The following THEMIS variants were observed in gnomAD, a reference collection of about 807,000 sequenced individuals.
THEMIS encodes thymocyte selection associated.
In THEMIS, 37 loss-of-function variants were observed where a neutral mutation model predicts 52.6. That is an observed-to-expected ratio of 0.70 (90% CI 0.54 to 0.93). The LOEUF is 0.93. Ranked by LOEUF, THEMIS falls within the 40% of genes least tolerant of loss-of-function variation. The pLI is 0.00. For synonymous variants in THEMIS, 292 were observed against 272.7 expected (o/e 1.07, Z -0.70); for missense variants, 808 against 763.1 (o/e 1.06, Z -0.69).
chr6:127,824,144 G>T (rs576328870), intron 3 of THEMIS, among the ~76,000 whole-genome samples: 1 of 152,250 alleles, frequency 6.6e-6, no homozygotes, highest in East Asian at 1.9e-4. Context: ...TAATCTAGGG[G>T]AGATAGGTGA....
intron 4 of THEMIS, among the ~76,000 whole-genome samples, chr6:127,799,649 A>T: frequency 6.7e-6 from 1 of 149,572 alleles, no homozygotes; most frequent in East Asian, 2.0e-4. Context: ...ATTGTTCACT[A>T]GTACCCAGTT....
chr6:127,709,969 C>T lies in THEMIS; in HGVS notation c.*16G>A, dbSNP rs199768657. ...ACATTTATGTTTGCTGCCTAAGTGG[C>T]TTCTGTCACATCTTGTTATTTTTGA... is the stretch of plus-strand genomic sequence containing the variant. On this transcript the variant is annotated 3_prime_UTR_variant, in exon 6 of 6. Transcript: ENST00000368248. 4 of 1,585,914 alleles carry T rather than the reference C, an allele frequency of 2.5e-6. No homozygotes were observed. In the East Asian group the frequency reaches 6.8e-5, roughly 27 times the overall value.
chr6:127,825,447 C>T (rs532327999), intron 3 of THEMIS, among the ~76,000 whole-genome samples: 2 of 152,258 alleles, frequency 1.3e-5, no homozygotes, highest in African/African-American at 4.8e-5. Context: ...TTATTCTCAA[C>T]CTGGAATTCT....
intron 4 of THEMIS, among the ~76,000 whole-genome samples, chr6:127,811,447 T>C (rs1032167636): frequency 6.6e-6 from 1 of 152,198 alleles, no homozygotes; most frequent in South Asian, 2.1e-4. Flanking sequence ...CATTCTTACA[T>C]AGTTACATGT....
chr6:127,900,841 C>T lies in THEMIS; in HGVS notation c.91+1G>A. On this transcript the variant is annotated splice_donor_variant, in intron 1 of 5. Coordinates refer to ENST00000368248, the MANE Select transcript of THEMIS (RefSeq NM_001010923.3). LOFTEE classifies it high-confidence loss of function. Reference sequence around the variant, plus strand: ...CAGTAAAGGTATTGGAGAGTGCTTACCTTCAAGATAGATGCCTGCCTGGAT... The same window carrying T: ...CAGTAAAGGTATTGGAGAGTGCTTATCTTCAAGATAGATGCCTGCCTGGAT... The T allele has an allele frequency of 6.2e-7, 1 of 1,612,400 alleles. No homozygotes were observed. Among genetic ancestry groups the T allele is most frequent in the Non-Finnish European group, 8.5e-7 (1 of 1,178,736 alleles).
chr6:127,821,864 A>G (rs1011068016), intron 3 of THEMIS, among the ~76,000 whole-genome samples: 1 of 152,012 alleles, frequency 6.6e-6, no homozygotes, highest in Non-Finnish European at 1.5e-5. Flanking sequence ...ATCCTTTGCA[A>G]TTGGACCTAA....
chr6:127,779,133 G>T (rs1776660950), intron 4 of THEMIS, among the ~76,000 whole-genome samples: 1 of 152,084 alleles, frequency 6.6e-6, no homozygotes, highest in Non-Finnish European at 1.5e-5. Context: ...CTGTCAAAAA[G>T]GTAGTTACTG....
At chr6:127,767,258 A>AT (rs995384829) in intron 4 of THEMIS, among the ~76,000 whole-genome samples, 17 of 151,898 alleles carry the variant, frequency 1.1e-4, no homozygotes, top group African/African-American at 3.6e-4. Flanking sequence ...CACTCAGCTA[A>AT]TTTTTTGTAT....
chr6:127,731,864 ATTTTTT>A lies in THEMIS; in HGVS notation c.1759-12047_1759-12042del, dbSNP rs58263706. Among the ~76,000 whole-genome samples, 10 of 41,704 alleles carry A rather than the reference ATTTTTT, an allele frequency of 2.4e-4. 3 individuals are homozygous for A. The highest frequency in any genetic ancestry group is 4.3e-3 in the East Asian group (2 of 460). 27.4% of individuals were successfully genotyped at this position (41,704 alleles called of 152,430 possible). ...AGGTGCATGCCACCATGCCCGGCTAATTTTTTTTTTTTTTTTTTTTTTTAGTAGAGA... is the reference window on the plus strand; with the variant it reads ...AGGTGCATGCCACCATGCCCGGCTAATTTTTTTTTTTTTTTTTAGTAGAGA... On this transcript the variant is annotated intron_variant, in intron 4 of 5. Coordinates refer to ENST00000368248, the MANE Select transcript of THEMIS (RefSeq NM_001010923.3).
intron 1 of THEMIS, among the ~76,000 whole-genome samples, chr6:127,898,827 T>C (rs1176461257): frequency 6.6e-6 from 1 of 151,864 alleles, no homozygotes; most frequent in African/African-American, 2.4e-5. Flanking sequence ...ACAACATGGA[T>C]AGAACTGAAG....
At chr6:127,724,845 A>C (rs1774485136) in intron 4 of THEMIS, among the ~76,000 whole-genome samples, 1 of 151,178 alleles carries the variant, frequency 6.6e-6, no homozygotes, top group Non-Finnish European at 1.5e-5. Flanking sequence ...AGATGTCCAC[A>C]AAAAAAAATT....
In THEMIS at chr6:127,813,706, T is replaced by C; in HGVS notation, c.935A>G (p.Lys312Arg). 1.2e-6 allele frequency: 2 copies of C among 1,614,066 alleles called. No individual in the cohort carries two copies. The highest frequency in any genetic ancestry group is 2.2e-5 in the South Asian group (2 of 91,070). The stretch of plus-strand genomic sequence containing the variant: ...AGCTAAGATTCTTGATGCCTGGTAC[T>C]TTTTGTGGATCACAATGGTTTTCCC... Reference protein sequence around the residue: ...QPGKTIVIHKKYQASRILASE... With the variant: ...QPGKTIVIHKRYQASRILASE... The change falls in exon 4 of 6, where the codon AAG becomes AGG. Residue 312 changes from lysine to arginine, a missense_variant. Lys to Arg is a conservative substitution (Grantham distance 26). Coordinates refer to ENST00000368248, the MANE Select transcript of THEMIS (RefSeq NM_001010923.3).
chr6:127,829,506 G>T lies in THEMIS; in HGVS notation c.679C>A (p.Pro227Thr). 6.2e-7 allele frequency: 1 copy of T among 1,609,532 alleles called. No individual in the cohort carries two copies. Among genetic ancestry groups the T allele is most frequent in the Non-Finnish European group, 8.5e-7 (1 of 1,178,158 alleles). The change falls in exon 3 of 6, where the codon CCT becomes ACT. Residue 227 changes from proline to threonine, a missense_variant. Physicochemically the swap from Pro to Thr is conservative, Grantham distance 38. Coordinates refer to ENST00000368248, the MANE Select transcript of THEMIS (RefSeq NM_001010923.3). ...ATCACACCTTGAATTTCATAAACAG[G>T]CTTGAGAATCAGGGTACCATAAAAG... ...KDFYGTLILK[P>T]VYEIQGVMKF...
chr6:127,819,360 G>A (rs369249229), intron 3 of THEMIS, among the ~76,000 whole-genome samples: 34 of 151,746 alleles, frequency 2.2e-4, no homozygotes, highest in African/African-American at 8.2e-4. Flanking sequence ...GTATGTCCTG[G>A]GTATACCAGA....
intron 4 of THEMIS, among the ~76,000 whole-genome samples, chr6:127,738,151 G>A (rs1775071499): frequency 6.6e-6 from 1 of 152,080 alleles, no homozygotes; most frequent in East Asian, 1.9e-4. Context: ...ATAGTATGCT[G>A]TAATTCTAGA....
rs373674877 is a variant in THEMIS, at chr6:127,864,219, A to G, written c.92-9031T>C. 7.9e-5 allele frequency among the ~76,000 whole-genome samples: 12 copies of G among 152,242 alleles called. No homozygotes were observed. In the East Asian group the frequency reaches 2.1e-3, roughly 27 times the overall value. On this transcript the variant is annotated intron_variant, in intron 1 of 5. Transcript: ENST00000368248. ...GACCAAGGGGGGCACAGTGCATGAC[A>G]TAAAGGAATTTACCACCCTGCTGAA...
At chr6:127,787,452 T>A (rs773219140) in intron 4 of THEMIS, among the ~76,000 whole-genome samples, 12 of 152,186 alleles carry the variant, frequency 7.9e-5, no homozygotes, top group Non-Finnish European at 1.6e-4. Context: ...TGTCACCATG[T>A]TCTTTGCATG....
At chr6:127,814,205 C>G (rs1430835235) in intron 3 of THEMIS, among the ~76,000 whole-genome samples, 2 of 152,220 alleles carry the variant, frequency 1.3e-5, no homozygotes, top group Admixed American at 1.3e-4. Flanking sequence ...ATCATATCCT[C>G]ACTTCTACTG....
intron 1 of THEMIS, among the ~76,000 whole-genome samples, chr6:127,869,229 TC>T (rs1780080231): frequency 6.6e-6 from 1 of 152,216 alleles, no homozygotes; most frequent in African/African-American, 2.4e-5. Context: ...GTTAAAAATA[TC>T]TTAAGTTGAA....
Sources: gnomAD v4.1 joint callset for allele counts (sites outside exome capture counted in the v4.1 genomes callset) on GRCh38, gnomAD v4.1.1 for gene constraint, MANE v1.5 for transcripts, NCBI Gene and HGNC (gene_info 2026-07-23, HGNC 2026-07-21) for gene names.